DPH6: variants seen among roughly 807,000 people sequenced by gnomAD.
DPH6 encodes diphthamine biosynthesis 6.
In DPH6, 33 loss-of-function variants were observed where a neutral mutation model predicts 38.2. The ratio of observed to expected loss-of-function variants is 0.86; its 90% CI spans 0.65 to 1.15. The LOEUF (loss-of-function observed/expected upper bound fraction) is 1.15. Among genes scored for constraint, DPH6 ranks in the 50% most tolerant of loss-of-function variants. The pLI is 0.00. For missense variants in DPH6, 325 were observed against 320.0 expected (o/e 1.02, Z -0.12); for synonymous variants, 108 against 103.0 (o/e 1.05, Z -0.30).
At chr15:35,304,774 T>C (rs1289277832) in intron 3 of DPH6, among the ~76,000 whole-genome samples, 2 of 151,874 alleles carry the variant, frequency 1.3e-5, no homozygotes, top group African/African-American at 4.8e-5. Flanking sequence ...AGCTCATCTC[T>C]ATGAAGCTAT....
chr15:35,435,528 G>C (rs1159251677), intron 5 of DPH6, among the ~76,000 whole-genome samples: 2 of 152,160 alleles, frequency 1.3e-5, no homozygotes, highest in Admixed American at 1.3e-4. Flanking sequence ...CCTTATGCAG[G>C]GGGAGGAGTC....
the DPH6 span, among the ~76,000 whole-genome samples, chr15:35,180,629 T>C: frequency 6.6e-6 from 1 of 152,012 alleles, no homozygotes; most frequent in African/African-American, 2.4e-5. Flanking sequence ...CCCAGATAAG[T>C]TTTTTAACTT....
At chr15:35,489,345 C>G in intron 3 of DPH6, 18 of 985,294 alleles carry the variant, frequency 1.8e-5, no homozygotes, top group Non-Finnish European at 2.0e-5. Context: ...TTTGAAAGTG[C>G]TCCAATCCCT....
At chr15:35,491,801 ATG>A (rs1265167948) in intron 3 of DPH6, among the ~76,000 whole-genome samples, 15 of 149,980 alleles carry the variant, frequency 1.0e-4, no homozygotes, top group Admixed American at 8.0e-4. Flanking sequence ...ATATATATTT[ATG>A]TGTGTATAAA....
chr15:35,543,791 C>G (rs78919988), intron 1 of DPH6, among the ~76,000 whole-genome samples: 3,327 of 152,206 alleles, frequency 0.022, 115 homozygotes, highest in African/African-American at 0.071. Context: ...TTCGGTATCC[C>G]CATAAGTAGG....
At chr15:35,179,200 C>A in the DPH6 span, among the ~76,000 whole-genome samples, 1 of 84,194 alleles carries the variant, frequency 1.2e-5, no homozygotes. Context: ...GAGCACAACT[C>A]TGTCAAAAAA....
At chr15:35,427,988 T>C (rs2053590076) in intron 5 of DPH6, among the ~76,000 whole-genome samples, 1 of 151,548 alleles carries the variant, frequency 6.6e-6, no homozygotes, top group African/African-American at 2.4e-5. Flanking sequence ...CCTAAGAATA[T>C]GGAAGGGAAG....
chr15:35,220,812 G>T (rs2051437639), intron 3 of DPH6, among the ~76,000 whole-genome samples: 1 of 151,498 alleles, frequency 6.6e-6, no homozygotes, highest in South Asian at 2.1e-4. Flanking sequence ...GGGCAGTATT[G>T]AAAAAAAAAT....
chr15:35,379,755 T>G (rs188463305), intron 7 of DPH6, among the ~76,000 whole-genome samples: 129 of 152,154 alleles, frequency 8.5e-4, no homozygotes, highest in African/African-American at 2.8e-3. Flanking sequence ...AATAAATACA[T>G]AAAAGTATGT....
At chr15:35,255,773 A>G (rs113327623) in intron 3 of DPH6, among the ~76,000 whole-genome samples, 2 of 151,704 alleles carry the variant, frequency 1.3e-5, no homozygotes, top group African/African-American at 4.8e-5. Context: ...TGAGTTTATT[A>G]GTTGGAGGGG....
At chr15:35,399,308 C>T (rs1023256760) in intron 6 of DPH6, among the ~76,000 whole-genome samples, 4 of 151,678 alleles carry the variant, frequency 2.6e-5, no homozygotes, top group Admixed American at 1.3e-4. Flanking sequence ...TTAAAAATGA[C>T]ATAAAAACAA....
intron 3 of DPH6, among the ~76,000 whole-genome samples, chr15:35,479,485 G>GT (rs1356784234): frequency 6.6e-6 from 1 of 152,082 alleles, no homozygotes; most frequent in East Asian, 1.9e-4. Flanking sequence ...AAATGCTTTT[G>GT]ATGATAAGAA....
chr15:35,480,471 A>T (rs903736351), intron 3 of DPH6, among the ~76,000 whole-genome samples: 1 of 152,078 alleles, frequency 6.6e-6, no homozygotes, highest in South Asian at 2.1e-4. Flanking sequence ...AAACATCCAC[A>T]ATTAAATCTT....
At chr15:35,297,936 C>G (rs973249128) in intron 3 of DPH6, among the ~76,000 whole-genome samples, 2 of 152,162 alleles carry the variant, frequency 1.3e-5, no homozygotes, top group Non-Finnish European at 2.9e-5. Flanking sequence ...CTTCCATCAC[C>G]AATCATCAGC....
intron 3 of DPH6, among the ~76,000 whole-genome samples, chr15:35,513,589 A>G (rs953678668): frequency 2.0e-5 from 3 of 152,076 alleles, no homozygotes; most frequent in Non-Finnish European, 4.4e-5. Context: ...TAACTGCGGT[A>G]AATAATTTAA....
chr15:35,430,720 T>C (rs2053622677), intron 5 of DPH6, among the ~76,000 whole-genome samples: 1 of 152,208 alleles, frequency 6.6e-6, no homozygotes, highest in African/African-American at 2.4e-5. Context: ...TCATCATCAA[T>C]GTCAACTATA....
chr15:35,323,954 A>G (rs1275352445), intron 3 of DPH6, among the ~76,000 whole-genome samples: 1 of 152,202 alleles, frequency 6.6e-6, no homozygotes, highest in Non-Finnish European at 1.5e-5. Context: ...ATAGAGTTAT[A>G]ATATAGGTAT....
At chr15:35,473,868 C>T (rs2054227037) in intron 3 of DPH6, among the ~76,000 whole-genome samples, 1 of 151,488 alleles carries the variant, frequency 6.6e-6, no homozygotes, top group African/African-American at 2.4e-5. Flanking sequence ...AAATGACCTT[C>T]AGGATACATT....
chr15:35,279,553 ACT>A (rs2051884708), intron 3 of DPH6, among the ~76,000 whole-genome samples: 1 of 151,926 alleles, frequency 6.6e-6, no homozygotes, highest in South Asian at 2.1e-4. Flanking sequence ...GTGGGCTCCC[ACT>A]CTGAGTTAAT....
Sources: allele counts gnomAD v4.1 joint callset (sites outside exome capture counted in the v4.1 genomes callset), GRCh38; gene constraint gnomAD v4.1.1; transcripts MANE v1.5; gene names NCBI Gene and HGNC (gene_info 2026-07-23, HGNC 2026-07-21).